NTM: variants seen among roughly 807,000 people sequenced by gnomAD.
The protein encoded by NTM is neurotrimin, also known as IgLON family member 2.
NTM carries 13 observed loss-of-function variants against 42.1 expected under a neutral mutation model. The observed-to-expected ratio is 0.31, with a 90% confidence interval of 0.20 to 0.49. NTM has a LOEUF of 0.49. Among genes scored for constraint, NTM ranks in the 20% least tolerant of loss-of-function variants. The pLI, the probability that NTM is intolerant of heterozygous loss-of-function variation, is 0.99. For synonymous variants in NTM, 187 were observed against 179.2 expected (o/e 1.04, Z -0.35); for missense variants, 373 against 452.8 (o/e 0.82, Z 1.60).
rs1427573385 is a variant in NTM, at chr11:132,236,969, A to C, written c.526+24822A>C. Among the ~76,000 whole-genome samples, 5 of 152,106 alleles carry C rather than the reference A, an allele frequency of 3.3e-5. No individual in the cohort carries two copies. The South Asian group carries it at 1.0e-3, about 32-fold the overall frequency. On this transcript the variant is annotated intron_variant, in intron 4 of 8. Coordinates refer to ENST00000683400, the MANE Select transcript of NTM (RefSeq NM_001352005.2). ...ACCAGGGGCCCAGATCCCCGGGCCCAGCTGTCAGAGTCTGGAAGTGCAGCA... is the reference window on the plus strand; with the variant it reads ...ACCAGGGGCCCAGATCCCCGGGCCCCGCTGTCAGAGTCTGGAAGTGCAGCA...
At chr11:131,662,239 C>G (rs1159128403) in intron 1 of NTM, 2 of 152,324 alleles carry the variant, frequency 1.3e-5, no homozygotes, top group East Asian at 3.9e-4. Context: ...AAACTCAAAA[C>G]CCAGCTTCCC....
chr11:131,826,983 G>A lies in NTM; in HGVS notation c.83-84581G>A, dbSNP rs1416119370. On this transcript the variant is annotated intron_variant, in intron 1 of 8. Coordinates refer to ENST00000683400, the MANE Select transcript of NTM (RefSeq NM_001352005.2). ...CTGTCCCTCTAGTTCATGGCTGGAGGTGGTAGTGCCCCCAGGGAGTGCATT... is the reference window on the plus strand; with the variant it reads ...CTGTCCCTCTAGTTCATGGCTGGAGATGGTAGTGCCCCCAGGGAGTGCATT... Among the ~76,000 whole-genome samples, 4 of 152,132 alleles carry A rather than the reference G, an allele frequency of 2.6e-5. No individual in the cohort carries two copies. In the East Asian group the frequency reaches 7.7e-4, roughly 29 times the overall value.
At chr11:131,706,467 A>G (rs2076602901) in intron 1 of NTM, among the ~76,000 whole-genome samples, 1 of 152,050 alleles carries the variant, frequency 6.6e-6, no homozygotes, top group Non-Finnish European at 1.5e-5. Context: ...TTTGAGCAGC[A>G]TAATAGATTA....
At chr11:132,022,833 T>C (rs1376769562) in intron 2 of NTM, among the ~76,000 whole-genome samples, 1 of 152,220 alleles carries the variant, frequency 6.6e-6, no homozygotes, top group Non-Finnish European at 1.5e-5. Flanking sequence ...TCAAAGGCTG[T>C]TAAGACCTTC....
At chr11:131,465,581 C>T (rs1951806034) in intron 1 of NTM, among the ~76,000 whole-genome samples, 1 of 152,164 alleles carries the variant, frequency 6.6e-6, no homozygotes, top group South Asian at 2.1e-4. Context: ...GCCTAAGCCC[C>T]TGGGATCTGT....
chr11:131,894,656 T>C (rs666850), intron 1 of NTM, among the ~76,000 whole-genome samples: 110,842 of 151,982 alleles, frequency 0.73, 40,839 homozygotes, highest in East Asian at 0.97. Flanking sequence ...ACCAACTGGC[T>C]GTCCATCGCC....
chr11:131,614,262 C>T (rs1423409378), intron 1 of NTM, among the ~76,000 whole-genome samples: 1 of 152,162 alleles, frequency 6.6e-6, no homozygotes, highest in Non-Finnish European at 1.5e-5. Flanking sequence ...TAGGATCATC[C>T]CTGTGTGACC....
intron 4 of NTM, among the ~76,000 whole-genome samples, chr11:132,301,288 G>T (rs2094844564): frequency 2.0e-5 from 3 of 152,158 alleles, no homozygotes; most frequent in Admixed American, 6.5e-5. Context: ...ATGAGAACGG[G>T]ATGGGGGAAA....
chr11:132,118,163 T>C (rs2064169193), intron 2 of NTM, among the ~76,000 whole-genome samples: 1 of 152,238 alleles, frequency 6.6e-6, no homozygotes, highest in African/African-American at 2.4e-5. Flanking sequence ...TGAATTTCTT[T>C]AGTATTTTAA....
chr11:132,249,322 T>C (rs533141170), intron 4 of NTM, among the ~76,000 whole-genome samples: 2 of 152,242 alleles, frequency 1.3e-5, no homozygotes, highest in East Asian at 3.9e-4. Context: ...GTTCCAGCCC[T>C]CATGAACGTG....
intron 4 of NTM, among the ~76,000 whole-genome samples, chr11:132,255,862 A>C (rs2092428159): frequency 6.7e-6 from 1 of 149,300 alleles, no homozygotes; most frequent in African/African-American, 2.5e-5. Context: ...TTCCAAGCTC[A>C]CCTCTACACC....
At chr11:131,456,629 G>T (rs1029720886) in intron 1 of NTM, among the ~76,000 whole-genome samples, 1 of 152,100 alleles carries the variant, frequency 6.6e-6, no homozygotes, top group Admixed American at 6.6e-5. Context: ...AAGGGAAAGG[G>T]GAGCCCGAAA....
At chr11:131,617,323 G>T (rs563143074) in intron 1 of NTM, among the ~76,000 whole-genome samples, 1 of 152,124 alleles carries the variant, frequency 6.6e-6, no homozygotes, top group Admixed American at 6.6e-5. Flanking sequence ...GAAAGAAAAC[G>T]TGTGCTTCGT....
chr11:131,474,318 C>T (rs986419456), intron 1 of NTM, among the ~76,000 whole-genome samples: 1 of 152,114 alleles, frequency 6.6e-6, no homozygotes, highest in Non-Finnish European at 1.5e-5. Context: ...CCCAGTTTTC[C>T]TCTTACAGGG....
intron 1 of NTM, among the ~76,000 whole-genome samples, chr11:131,873,024 A>G (rs1365080777): frequency 1.3e-5 from 2 of 152,142 alleles, no homozygotes; most frequent in Non-Finnish European, 1.5e-5. Flanking sequence ...CTGACTTTTT[A>G]ATGATCGCCA....
At chr11:131,738,770 C>T (rs748520350) in intron 1 of NTM, among the ~76,000 whole-genome samples, 1 of 146,152 alleles carries the variant, frequency 6.8e-6, no homozygotes, top group African/African-American at 2.5e-5. Context: ...AAGGTGAATG[C>T]AAACTATTTA....
At chr11:131,918,718 C>T (rs1016572876) in intron 2 of NTM, among the ~76,000 whole-genome samples, 1 of 152,106 alleles carries the variant, frequency 6.6e-6, no homozygotes, top group Admixed American at 6.5e-5. Context: ...TTGGTTGTCC[C>T]TCCTTGTCGT....
At chr11:131,751,761 C>A (rs892880104) in intron 1 of NTM, among the ~76,000 whole-genome samples, 3 of 147,720 alleles carry the variant, frequency 2.0e-5, no homozygotes, top group South Asian at 4.4e-4. Flanking sequence ...TCCGTCCCCC[C>A]CTCACCCCCC....
intron 4 of NTM, among the ~76,000 whole-genome samples, chr11:132,274,594 A>C (rs912788949): frequency 6.6e-6 from 1 of 152,072 alleles, no homozygotes; most frequent in Non-Finnish European, 1.5e-5. Flanking sequence ...TTTTTCTGTT[A>C]CAGATTTCTA....
Sources: allele counts gnomAD v4.1 joint callset (sites outside exome capture counted in the v4.1 genomes callset), GRCh38; gene constraint gnomAD v4.1.1; transcripts MANE v1.5; gene names NCBI Gene and HGNC (gene_info 2026-07-23, HGNC 2026-07-21).